The following NRG1 variants were observed in gnomAD, a reference collection of about 807,000 sequenced individuals.
NRG1 encodes the protein pro-neuregulin-1, membrane-bound isoform.
A neutral mutation model predicts 63.8 loss-of-function variants in NRG1; 18 were observed. The observed-to-expected ratio is 0.28, with a 90% CI of 0.19 to 0.42. The LOEUF (loss-of-function observed/expected upper bound fraction) is 0.42, where lower values mean the gene tolerates loss of function less well. Ranked by LOEUF, NRG1 falls within the 10% of genes least tolerant of loss-of-function variation. The pLI is 1.00. For missense variants in NRG1, 762 were observed against 814.7 expected, an observed-to-expected ratio of 0.94 and a Z score of 0.79; for synonymous variants, 302 against 301.3, an observed-to-expected ratio of 1.00 and a Z score of -0.02.
intron 1 of NRG1, among the ~76,000 whole-genome samples, chr8:32,564,831 C>G (rs191429915): frequency 6.6e-6 from 1 of 151,904 alleles, no homozygotes; most frequent in Non-Finnish European, 1.5e-5. Context: ...GAGGCTGAGG[C>G]AGGAGGATTA....
chr8:32,446,130 T>C (rs1337888790), intron 1 of NRG1, among the ~76,000 whole-genome samples: 3 of 152,200 alleles, frequency 2.0e-5, no homozygotes, highest in Non-Finnish European at 4.4e-5. Flanking sequence ...TAGAGCACTA[T>C]TGGTGTCACA....
intron 1 of NRG1, among the ~76,000 whole-genome samples, chr8:32,466,776 A>G (rs755318349): frequency 3.3e-4 from 50 of 152,078 alleles, no homozygotes; most frequent in Non-Finnish European, 7.4e-4. Flanking sequence ...GGATGGACTC[A>G]CTTCTCTATA....
chr8:32,559,853 A>T (rs1355156772), intron 1 of NRG1, among the ~76,000 whole-genome samples: 4 of 148,464 alleles, frequency 2.7e-5, no homozygotes, highest in African/African-American at 7.3e-5. Flanking sequence ...AAAAAAAAAA[A>T]GAAAGAAAAA....
At chr8:32,094,539 A>T (rs1378225549) in intron 1 of NRG1, among the ~76,000 whole-genome samples, 1 of 152,212 alleles carries the variant, frequency 6.6e-6, no homozygotes, top group Non-Finnish European at 1.5e-5. Context: ...TTTAACAATG[A>T]GAATAATAAG....
At position 31,974,298 on chromosome 8, in the gene NRG1, T is replaced by A. The variant is rs561786412; in HGVS notation, c.37+334867T>A. On this transcript the variant is annotated intron_variant, in intron 1 of 10. Coordinates refer to the NRG1 transcript ENST00000519301. ...CTCCCACCTCAGCCTCCCAAGTAGC[T>A]GGAACTACAGGTGCACTACCCTGCC... 7.9e-5 allele frequency among the ~76,000 whole-genome samples: 12 copies of A among 152,208 alleles called. No homozygotes were observed. The South Asian group carries it at 2.5e-3, about 32-fold the overall frequency.
intron 1 of NRG1, among the ~76,000 whole-genome samples, chr8:31,878,527 T>C (rs1830100403): frequency 6.6e-6 from 1 of 152,178 alleles, no homozygotes; most frequent in Non-Finnish European, 1.5e-5. Flanking sequence ...CAATATACTA[T>C]TTATCGATTG....
intron 5 of NRG1, among the ~76,000 whole-genome samples, chr8:32,667,223 A>C (rs1479811888): frequency 6.6e-6 from 1 of 152,022 alleles, no homozygotes; most frequent in Non-Finnish European, 1.5e-5. Flanking sequence ...ATGTAAACAT[A>C]TCTAAACAGA....
At chr8:31,862,916 A>G (rs1738465554) in intron 1 of NRG1, among the ~76,000 whole-genome samples, 1 of 152,136 alleles carries the variant, frequency 6.6e-6, no homozygotes, top group South Asian at 2.1e-4. Flanking sequence ...CCCGAGCCAT[A>G]TTGGTTGTAG....
chr8:32,176,855 T>C (rs1271993002), intron 1 of NRG1, among the ~76,000 whole-genome samples: 2 of 151,872 alleles, frequency 1.3e-5, no homozygotes, highest in Non-Finnish European at 1.5e-5. Flanking sequence ...TGTGGAGAAA[T>C]AGGAACACTT....
At chr8:31,697,174 G>A (rs1306354357) in intron 1 of NRG1, among the ~76,000 whole-genome samples, 3 of 152,138 alleles carry the variant, frequency 2.0e-5, no homozygotes, top group African/African-American at 4.8e-5. Context: ...GAAATAGAAG[G>A]TGTATATATC....
intron 5 of NRG1, among the ~76,000 whole-genome samples, chr8:32,678,510 G>A (rs1349915843): frequency 6.6e-6 from 1 of 151,890 alleles, no homozygotes; most frequent in East Asian, 1.9e-4. Context: ...CTCACTCTGA[G>A]TCCAATTACG....
chr8:32,300,645 C>A (rs1855478233), intron 1 of NRG1, among the ~76,000 whole-genome samples: 2 of 152,170 alleles, frequency 1.3e-5, no homozygotes, highest in African/African-American at 4.8e-5. Flanking sequence ...TCAGGAATAA[C>A]TGTTGTAGTT....
At chr8:32,513,170 G>GGTGTGTGTGT (rs55982622) in intron 1 of NRG1, among the ~76,000 whole-genome samples, 2 of 149,140 alleles carry the variant, frequency 1.3e-5, no homozygotes, top group African/African-American at 4.9e-5. Flanking sequence ...TGCTGAAGCT[G>GGTGTGTGTGT]GTGTGTGTGT....
intron 1 of NRG1, among the ~76,000 whole-genome samples, chr8:31,769,909 ACT>A (rs756377385): frequency 1.3e-5 from 2 of 151,986 alleles, no homozygotes; most frequent in Non-Finnish European, 2.9e-5. Context: ...AAGGGGAAAC[ACT>A]CTGGGGTGTT....
chr8:32,383,868 G>A (rs1054632670), intron 1 of NRG1, among the ~76,000 whole-genome samples: 2 of 152,166 alleles, frequency 1.3e-5, no homozygotes, highest in East Asian at 1.9e-4. Context: ...GCCCCACTTC[G>A]TCTGGTAAAT....
At chr8:31,923,709 GTTA>G (rs987512527) in intron 1 of NRG1, among the ~76,000 whole-genome samples, 4 of 151,972 alleles carry the variant, frequency 2.6e-5, no homozygotes, top group Admixed American at 1.3e-4. Context: ...TTAATGTGTT[GTTA>G]TTATTTTTTG....
intron 5 of NRG1, among the ~76,000 whole-genome samples, chr8:32,714,587 G>A (rs1818688870): frequency 6.6e-6 from 1 of 152,172 alleles, no homozygotes; most frequent in South Asian, 2.1e-4. Context: ...TTTGATAAAA[G>A]GAGTGATGAG....
rs775147212 is a variant in NRG1 at position 32,113,178 on chromosome 8, A to G, written c.37+473747A>G. On this transcript the variant is annotated intron_variant, in intron 1 of 10. Transcript: ENST00000519301. Reference sequence around the variant, plus strand: ...CCCTTTGTATCTCTGTATCTCAGAGAGTGGATCCCTGAAAATGGCATTTGC... The same window carrying G: ...CCCTTTGTATCTCTGTATCTCAGAGGGTGGATCCCTGAAAATGGCATTTGC... Among the ~76,000 whole-genome samples, 7 of 152,234 alleles carry G rather than the reference A, an allele frequency of 4.6e-5. No individual in the cohort carries two copies. In the East Asian group the frequency reaches 1.4e-3, roughly 29 times the overall value.
At chr8:31,767,944 G>A (rs1818240351) in intron 1 of NRG1, among the ~76,000 whole-genome samples, 1 of 148,846 alleles carries the variant, frequency 6.7e-6, no homozygotes, top group African/African-American at 2.5e-5. Context: ...TTCTGTATTT[G>A]TCCAACATCG....
Sources: allele counts gnomAD v4.1 joint callset (sites outside exome capture counted in the v4.1 genomes callset), GRCh38; gene constraint gnomAD v4.1.1; transcripts MANE v1.5; gene names NCBI Gene and HGNC (gene_info 2026-07-23, HGNC 2026-07-21).